WDFY4: variants seen among roughly 807,000 people sequenced by gnomAD.
WDFY4 encodes the protein WD repeat- and FYVE domain-containing protein 4.
A neutral mutation model predicts 351.9 loss-of-function variants in WDFY4; 169 were observed. The observed-to-expected ratio is 0.48, with a 90% CI of 0.42 to 0.55. The LOEUF (loss-of-function observed/expected upper bound fraction) is 0.55, where lower values mean the gene tolerates loss of function less well. Ranked by LOEUF, WDFY4 falls within the 20% of genes least tolerant of loss-of-function variation. The pLI, the probability that WDFY4 is intolerant of heterozygous loss-of-function variation, is 0.00. For missense variants in WDFY4, 3,803 were observed against 3,935.6 expected, an observed-to-expected ratio of 0.97 and a Z score of 0.90; for synonymous variants, 1,622 against 1,574.6, an observed-to-expected ratio of 1.03 and a Z score of -0.71.
intron 49 of WDFY4, among the ~76,000 whole-genome samples, chr10:48,945,284 G>C (rs1451855900): frequency 1.3e-5 from 2 of 152,166 alleles, no homozygotes; most frequent in Admixed American, 6.5e-5. Context: ...GCTGAGGTGG[G>C]AGGATCACTT....
chr10:48,961,723 A>G (rs1841869179), intron 53 of WDFY4, among the ~76,000 whole-genome samples: 1 of 152,232 alleles, frequency 6.6e-6, no homozygotes, highest in Admixed American at 6.5e-5. Flanking sequence ...AGGAATCACC[A>G]TCTTTGATGA....
In WDFY4 at chr10:48,981,472, T is replaced by C. The variant is rs375695102; in HGVS notation, c.9482T>C (p.Val3161Ala). ...KTSPAVTALAVSRNHTKLLVG... is the reference protein window; with the variant it reads ...KTSPAVTALAASRNHTKLLVG... ...AGCCCCGCAGTGACTGCTCTGGCCG[T>C]GTCCAGGTAAGCGCGGCCTTGTTTC... Residue 3161 changes from valine to alanine, a missense_variant, in exon 61 of 62, where the codon GTG (valine) becomes GCG (alanine). This residue lies in a region of WDFY4 where 3,054 missense variants were observed against 3,148.6 expected (regional missense o/e 0.97). Transcript: ENST00000325239. 6 of 1,551,498 alleles carry C rather than the reference T, an allele frequency of 3.9e-6. No individual in the cohort carries two copies. The African/African-American group carries it at 4.1e-5, about 11-fold the overall frequency.
At chr10:48,914,065 G>T in intron 47 of WDFY4, 1 of 1,614,122 alleles carries the variant, frequency 6.2e-7, no homozygotes, top group African/African-American at 1.3e-5. Context: ...AAGTCAAGGC[G>T]CTTTTTCCCA....
chr10:48,927,742 T>C (rs1286034298), intron 47 of WDFY4, among the ~76,000 whole-genome samples: 27 of 152,244 alleles, frequency 1.8e-4, no homozygotes, highest in Admixed American at 1.8e-3. Context: ...AACTTTTATT[T>C]GGAGCAAAAG....
chr10:48,773,083 AACCACAATGAGATACCATCTCAC>A (rs1275499655), intron 13 of WDFY4, among the ~76,000 whole-genome samples: 1 of 152,194 alleles, frequency 6.6e-6, no homozygotes, highest in East Asian at 1.9e-4. Flanking sequence ...TGCAAATCAA[AACCACAATGAGATACCATCTCAC>A]ACCAGTTAGA....
At chr10:48,718,347 G>A (rs1343915637) in intron 2 of WDFY4, among the ~76,000 whole-genome samples, 1 of 152,180 alleles carries the variant, frequency 6.6e-6, no homozygotes, top group Non-Finnish European at 1.5e-5. Context: ...ATAAAGGGAA[G>A]ATTTTTGAAG....
chr10:48,719,432 A>G (rs1193723122), intron 2 of WDFY4, among the ~76,000 whole-genome samples: 1 of 152,200 alleles, frequency 6.6e-6, no homozygotes, highest in Non-Finnish European at 1.5e-5. Context: ...CTGTCTGCTC[A>G]CGGGAGGCCT....
intron 43 of WDFY4, among the ~76,000 whole-genome samples, chr10:48,888,384 C>T (rs911255088): frequency 6.6e-6 from 1 of 151,370 alleles, no homozygotes; most frequent in African/African-American, 2.4e-5. Flanking sequence ...CCAGTAGCAG[C>T]TCCTGTCAAT....
At chr10:48,837,335 G>A (rs1242933491) in intron 39 of WDFY4, among the ~76,000 whole-genome samples, 1 of 152,218 alleles carries the variant, frequency 6.6e-6, no homozygotes, top group East Asian at 1.9e-4. Flanking sequence ...AAGGCAGTGG[G>A]TAAAAGCCAG....
chr10:48,852,077 G>A (rs2068974597), intron 39 of WDFY4, among the ~76,000 whole-genome samples: 1 of 152,216 alleles, frequency 6.6e-6, no homozygotes, highest in African/African-American at 2.4e-5. Flanking sequence ...CCTGCTTGAT[G>A]TGCTACATTC....
At chr10:48,961,310 C>T (rs72801336) in intron 53 of WDFY4, among the ~76,000 whole-genome samples, 3,084 of 152,276 alleles carry the variant, frequency 0.02, 48 homozygotes, top group Middle Eastern at 0.051. Flanking sequence ...CAGAGGTACA[C>T]ATGATTCAAT....
In WDFY4 at chr10:48,760,044, C is replaced by T. The variant is rs75378543; in HGVS notation, c.2460-303C>T. Among the ~76,000 whole-genome samples, 11 of 152,102 alleles carry T rather than the reference C, an allele frequency of 7.2e-5. No individual in the cohort carries two copies. The East Asian group carries it at 1.2e-3, about 16-fold the overall frequency. ...GAAACCAGAGCTTCTCAATCTCCAA[C>T]GTATCTGGAGGGAAGGGAAGAAAAC... On this transcript the variant is annotated intron_variant, in intron 12 of 61. Transcript: ENST00000325239.
chr10:48,944,378 AT>A (rs1840937888), intron 49 of WDFY4, among the ~76,000 whole-genome samples: 1 of 152,204 alleles, frequency 6.6e-6, no homozygotes, highest in Admixed American at 6.5e-5. Context: ...CAGGGAAAGG[AT>A]GGGGAGTAAA....
chr10:48,877,344 A>G (rs181577744), intron 43 of WDFY4, 145 bp downstream of exon 43: 13 of 807,136 alleles, frequency 1.6e-5, no homozygotes, highest in East Asian at 1.4e-4. Context: ...AATCAGTGAA[A>G]AAAGGGATAG....
intron 5 of WDFY4, 150 bp downstream of exon 5, chr10:48,723,717 C>T: frequency 8.8e-7 from 1 of 1,137,810 alleles, no homozygotes. Context: ...CCCCTCCCCT[C>T]CCCACCACTG....
chr10:48,814,739 A>G (rs926883270), intron 31 of WDFY4, among the ~76,000 whole-genome samples: 3 of 152,210 alleles, frequency 2.0e-5, no homozygotes, highest in Non-Finnish European at 2.9e-5. Context: ...ATGATACATG[A>G]TTACCTTTAA....
At chr10:48,814,496 G>A (rs1467089504) in intron 31 of WDFY4, among the ~76,000 whole-genome samples, 5 of 152,188 alleles carry the variant, frequency 3.3e-5, no homozygotes, top group Admixed American at 2.0e-4. Context: ...TGGAGTCTTC[G>A]GGAGTGAGAA....
At chr10:48,836,924 G>A (rs780994811) in intron 39 of WDFY4, among the ~76,000 whole-genome samples, 50 of 152,172 alleles carry the variant, frequency 3.3e-4, no homozygotes, top group Non-Finnish European at 6.3e-4. Flanking sequence ...CTCTGCTTAC[G>A]TACTCAATTC....
At position 48,731,233 on chromosome 10, in the gene WDFY4, G is replaced by A. The variant is rs148176877; in HGVS notation, c.1253G>A (p.Arg418Gln). The A allele has an allele frequency of 1.4e-5, 21 of 1,551,896 alleles. No individual in the cohort carries two copies. The East Asian group carries it at 2.7e-4, about 20-fold the overall frequency. ...AGGACCATGTGGGCCTGGAATGCTC[G>A]AAACTTCTTCCTGCTGGAGTGGACC... ...VIRTMWAWNA[R>Q]NFFLLEWTLQ... is the part of the protein sequence containing the mutation. Residue 418 changes from arginine to glutamine, a missense_variant, in exon 9 of 62, where the codon CGA becomes CAA. Physicochemically the swap from Arg to Gln is conservative, Grantham distance 43. Coordinates refer to ENST00000325239, the MANE Select transcript of WDFY4 (RefSeq NM_001394531.1).
Sources: gnomAD v4.1 joint callset for allele counts (sites outside exome capture counted in the v4.1 genomes callset) on GRCh38, gnomAD v4.1.1 for gene constraint, gnomAD v4.1.1 regional missense constraint, MANE v1.5 for transcripts, NCBI Gene and HGNC (gene_info 2026-07-23, HGNC 2026-07-21) for gene names.